The following MCTP1 variants were observed in gnomAD, a reference collection of about 807,000 sequenced individuals.
MCTP1 encodes the protein multiple C2 and transmembrane domain-containing protein 1.
In MCTP1, 69 loss-of-function variants were observed where a neutral mutation model predicts 120.6. The ratio of observed to expected loss-of-function variants is 0.57; its 90% CI spans 0.47 to 0.70. The LOEUF is 0.70. Among genes scored for constraint, MCTP1 ranks in the 30% least tolerant of loss-of-function variants. The pLI, the probability that MCTP1 is intolerant of heterozygous loss-of-function variation, is 0.00. For synonymous variants in MCTP1, 529 were observed against 493.1 expected, an observed-to-expected ratio of 1.07 and a Z score of -0.96; for missense variants, 1,203 against 1,248.8, an observed-to-expected ratio of 0.96 and a Z score of 0.55.
chr5:95,257,481 ATTGT>A (rs1758008526), intron 1 of MCTP1, among the ~76,000 whole-genome samples: 1 of 152,130 alleles, frequency 6.6e-6, no homozygotes, highest in Non-Finnish European at 1.5e-5. Flanking sequence ...GAATGCCTAC[ATTGT>A]TTTTTTAATC....
chr5:94,768,151 G>A (rs576844364), intron 19 of MCTP1, among the ~76,000 whole-genome samples: 114 of 152,138 alleles, frequency 7.5e-4, no homozygotes, highest in Non-Finnish European at 1.4e-3. Context: ...CATAAATTGG[G>A]GAAAGGACAC....
intron 1 of MCTP1, among the ~76,000 whole-genome samples, chr5:95,246,275 G>C (rs1756773484): frequency 6.6e-6 from 1 of 152,052 alleles, no homozygotes; most frequent in African/African-American, 2.4e-5. Flanking sequence ...TCAATTAACA[G>C]GCAAAATAAC....
At chr5:94,994,055 G>A (rs1268950387) in intron 2 of MCTP1, among the ~76,000 whole-genome samples, 1 of 152,182 alleles carries the variant, frequency 6.6e-6, no homozygotes, top group African/African-American at 2.4e-5. Context: ...GTCCTCCTAA[G>A]AGCAGCTATG....
intron 17 of MCTP1, among the ~76,000 whole-genome samples, chr5:94,821,012 T>C (rs1166579820): frequency 1.3e-5 from 2 of 152,138 alleles, no homozygotes; most frequent in Non-Finnish European, 2.9e-5. Context: ...CCCAGCACTG[T>C]CAAATAGCTT....
intron 2 of MCTP1, among the ~76,000 whole-genome samples, chr5:94,989,467 T>A (rs1319285152): frequency 6.6e-6 from 1 of 152,212 alleles, no homozygotes; most frequent in Non-Finnish European, 1.5e-5. Flanking sequence ...GTATATTTGG[T>A]CTTTGCTCCT....
chr5:95,183,535 C>T (rs1748852422), intron 1 of MCTP1, among the ~76,000 whole-genome samples: 1 of 151,778 alleles, frequency 6.6e-6, no homozygotes, highest in African/African-American at 2.4e-5. Context: ...AAAGGAAAGC[C>T]AGAAATTTGG....
intron 17 of MCTP1, among the ~76,000 whole-genome samples, chr5:94,851,963 C>T (rs1256449334): frequency 1.3e-5 from 2 of 151,750 alleles, no homozygotes; most frequent in Admixed American, 6.6e-5. Flanking sequence ...TTGTACATAT[C>T]ATAATATAAT....
At chr5:95,147,097 A>T (rs979745056) in intron 1 of MCTP1, among the ~76,000 whole-genome samples, 15 of 151,518 alleles carry the variant, frequency 9.9e-5, no homozygotes, top group Admixed American at 3.9e-4. Flanking sequence ...TTATTTATTT[A>T]TTTTTTTAAG....
intron 2 of MCTP1, among the ~76,000 whole-genome samples, chr5:94,966,156 G>T (rs775778234): frequency 6.6e-6 from 1 of 152,050 alleles, no homozygotes; most frequent in Non-Finnish European, 1.5e-5. Context: ...TATGTTACTT[G>T]CCCAAAATAT....
intron 2 of MCTP1, among the ~76,000 whole-genome samples, chr5:95,003,268 T>C (rs1834079095): frequency 6.6e-6 from 1 of 152,214 alleles, no homozygotes; most frequent in Non-Finnish European, 1.5e-5. Flanking sequence ...ATATTTCTAC[T>C]GTACCTTTTC....
Position 94,932,041 on chromosome 5 carries a change from T to G in MCTP1, c.1174-50A>C, listed in dbSNP as rs755059502. 8 of 1,300,532 alleles carry G rather than the reference T, an allele frequency of 6.2e-6. No individual in the cohort carries two copies. In the African/African-American group the frequency reaches 1.0e-4, roughly 17 times the overall value. The allele number at this position is 1,300,532 out of a possible 1,614,324, so 80.6% of individuals were successfully genotyped here. ...ATTATCTTTTCACTCAAGAACAGAA[T>G]AGGGCAGCCAGTTGTTTTTTAGCGG... is the stretch of plus-strand genomic sequence containing the variant. On this transcript the variant is annotated intron_variant, in intron 5 of 22. Transcript: ENST00000515393.
chr5:94,818,805 G>A (rs1465786088), intron 17 of MCTP1, among the ~76,000 whole-genome samples: 1 of 152,154 alleles, frequency 6.6e-6, no homozygotes, highest in Non-Finnish European at 1.5e-5. Flanking sequence ...TGACTAGGAT[G>A]GTCAGACGGA....
At chr5:94,924,131 T>C (rs190061445) in intron 6 of MCTP1, 110 bp from the exon 7 acceptor site, 7 of 551,280 alleles carry the variant, frequency 1.3e-5, no homozygotes, top group Non-Finnish European at 1.8e-5. Context: ...AAATTATATA[T>C]CCTAAAGATA....
chr5:94,906,633 G>A (rs1030284823), intron 10 of MCTP1, among the ~76,000 whole-genome samples: 2 of 152,048 alleles, frequency 1.3e-5, no homozygotes, highest in Admixed American at 1.3e-4. Context: ...TATTGAGTTT[G>A]CATTTACAAA....
Position 95,064,228 on chromosome 5 carries a change from G to A in MCTP1, c.721-46744C>T, listed in dbSNP as rs986849387. On this transcript the variant is annotated intron_variant, in intron 1 of 22. Coordinates refer to ENST00000515393, the MANE Select transcript of MCTP1 (RefSeq NM_024717.7). ...GGCAAAAGTTTATGTAAGAACAGCT[G>A]CAACTGACAACTACAATCTAAACCA... Among the ~76,000 whole-genome samples the A allele has an allele frequency of 2.0e-5, 3 of 152,188 alleles. No homozygotes were observed. The South Asian group carries it at 6.2e-4, about 31-fold the overall frequency.
At chr5:94,882,877 C>T (rs769878293) in intron 12 of MCTP1, among the ~76,000 whole-genome samples, 1 of 152,160 alleles carries the variant, frequency 6.6e-6, no homozygotes, top group Admixed American at 6.5e-5. Flanking sequence ...ATATGAATCA[C>T]ACATGATTTC....
intron 19 of MCTP1, among the ~76,000 whole-genome samples, chr5:94,730,147 T>C (rs563202970): frequency 6.6e-6 from 1 of 152,282 alleles, no homozygotes; most frequent in East Asian, 1.9e-4. Context: ...ATGTTTGGCT[T>C]GAGCAACTGG....
At chr5:94,799,634 GAAA>G (rs1009291158) in intron 17 of MCTP1, among the ~76,000 whole-genome samples, 2 of 151,926 alleles carry the variant, frequency 1.3e-5, no homozygotes, top group Admixed American at 1.3e-4. Context: ...TTCACAATAT[GAAA>G]AAAAGCACTG....
intron 17 of MCTP1, among the ~76,000 whole-genome samples, chr5:94,824,245 T>G (rs1483409012): frequency 6.6e-6 from 1 of 152,228 alleles, no homozygotes; most frequent in Non-Finnish European, 1.5e-5. Context: ...TCAATGTTTT[T>G]AGCATGAAGG....
Sources: allele counts gnomAD v4.1 joint callset (sites outside exome capture counted in the v4.1 genomes callset), GRCh38; gene constraint gnomAD v4.1.1; transcripts MANE v1.5; gene names NCBI Gene and HGNC (gene_info 2026-07-23, HGNC 2026-07-21).